MOBP: variants seen among roughly 807,000 people sequenced by gnomAD.
The protein encoded by MOBP is myelin associated oligodendrocyte basic protein.
Under a neutral mutation model 15.0 loss-of-function variants are expected in MOBP, and 5 were observed. That is an observed-to-expected ratio of 0.33 (90% confidence interval 0.17 to 0.70). The LOEUF is 0.70. Among genes scored for constraint, MOBP ranks in the 30% least tolerant of loss-of-function variants. The pLI, the probability that MOBP is intolerant of heterozygous loss-of-function variation, is 0.67. For missense variants in MOBP, 188 were observed against 257.8 expected (o/e 0.73, Z 1.85); for synonymous variants, 88 against 99.0 (o/e 0.89, Z 0.66).
At chr3:39,504,025 T>C (rs2043016142), downstream of MOBP, among the ~76,000 whole-genome samples, 1 of 152,200 alleles carries the variant, frequency 6.6e-6, no homozygotes, top group East Asian at 1.9e-4. Context: ...AATGCTGACC[T>C]AAACAATCCA....
intron 1 of MOBP, among the ~76,000 whole-genome samples, chr3:39,479,415 GC>G (rs1026982610): frequency 7.0e-6 from 1 of 142,028 alleles, no homozygotes; most frequent in Admixed American, 7.1e-5. Context: ...TTTTCAAATA[GC>G]CCTTCTGAGA....
At chr3:39,516,256 C>T (rs1236333122), downstream of MOBP, among the ~76,000 whole-genome samples, 1 of 152,066 alleles carries the variant, frequency 6.6e-6, no homozygotes, top group South Asian at 2.1e-4. Flanking sequence ...ACTGAGGAGG[C>T]ACCTGAGCAT....
chr3:39,511,586 A>G (rs2043120045), intron 4 of MOBP, among the ~76,000 whole-genome samples: 1 of 152,180 alleles, frequency 6.6e-6, no homozygotes. Context: ...AAGAGCCTTC[A>G]CACTTCTTGC....
At chr3:39,475,717 G>A (rs1381907080) in intron 1 of MOBP, among the ~76,000 whole-genome samples, 1 of 151,882 alleles carries the variant, frequency 6.6e-6, no homozygotes, top group Non-Finnish European at 1.5e-5. Context: ...AGCTCTTTTA[G>A]GTTAGCTCCT....
intron 2 of MOBP, among the ~76,000 whole-genome samples, chr3:39,483,706 C>A (rs552194604): frequency 6.0e-4 from 91 of 152,346 alleles, no homozygotes; most frequent in African/African-American, 2.0e-3. Flanking sequence ...AAAATCCCAT[C>A]ATTTTCATAG....
chr3:39,522,147 G>C (rs1047933236), intron 3 of MOBP, among the ~76,000 whole-genome samples: 1 of 152,186 alleles, frequency 6.6e-6, no homozygotes, highest in Non-Finnish European at 1.5e-5. Context: ...ATTCCTGTTT[G>C]AAGGTTATTA....
intron 3 of MOBP, among the ~76,000 whole-genome samples, chr3:39,521,984 G>A (rs780073503): frequency 2.0e-5 from 3 of 152,186 alleles, no homozygotes; most frequent in Non-Finnish European, 4.4e-5. Flanking sequence ...AGGAGGGTGG[G>A]TCTGGACTAA....
chr3:39,527,375 T>C (rs1340063545), downstream of MOBP: 2 of 152,016 alleles, frequency 1.3e-5, no homozygotes, highest in Non-Finnish European at 2.9e-5. Flanking sequence ...ATAATATTTT[T>C]GAAACTTTGA....
downstream of MOBP, chr3:39,527,782 A>G (rs1414773966): frequency 1.3e-5 from 2 of 152,194 alleles, no homozygotes; most frequent in Non-Finnish European, 1.5e-5. Flanking sequence ...TATTAAGCAA[A>G]CAGCGTATCT....
intron 1 of MOBP, among the ~76,000 whole-genome samples, chr3:39,470,252 A>G (rs1427517439): frequency 6.6e-6 from 1 of 152,220 alleles, no homozygotes; most frequent in Non-Finnish European, 1.5e-5. Flanking sequence ...GCACTGAACT[A>G]CAGACCACAC....
At chr3:39,470,519 T>A (rs1322245582) in intron 1 of MOBP, among the ~76,000 whole-genome samples, 1 of 152,250 alleles carries the variant, frequency 6.6e-6, no homozygotes, top group East Asian at 1.9e-4. Flanking sequence ...ATAAGCCTAT[T>A]GAATTTATGG....
At chr3:39,503,363 T>C (rs1036168420), downstream of MOBP, among the ~76,000 whole-genome samples, 5 of 152,226 alleles carry the variant, frequency 3.3e-5, no homozygotes, top group Non-Finnish European at 7.3e-5. Flanking sequence ...ATTGCATACC[T>C]GTAAAGTTCC....
downstream of MOBP, chr3:39,525,677 T>C (rs539825888): frequency 2.6e-5 from 4 of 152,392 alleles, no homozygotes; most frequent in Non-Finnish European, 5.9e-5. Flanking sequence ...TTGTTCAGGG[T>C]ATGGGGCTAG....
At position 39,502,316 on chromosome 3, in the gene MOBP, C is replaced by T. The variant is rs764109059; in HGVS notation, c.206+41C>T. ...GCCCCGCGGCACCAGTTGGGCACAG[C>T]GCGTGGTCTCGGCTCCCAGCACGCC... On this transcript the variant is annotated intron_variant, in intron 3 of 3. Transcript: ENST00000684792. The surrounding 1 kb of genome is among the most constrained non-coding windows in gnomAD (Gnocchi z 6.3). 1.3e-5 allele frequency: 21 copies of T among 1,610,764 alleles called. No individual in the cohort carries two copies. Among genetic ancestry groups the T allele is most frequent in the Non-Finnish European group, 1.7e-5 (20 of 1,178,504 alleles).
At chr3:39,473,509 G>A (rs1046873818) in intron 1 of MOBP, among the ~76,000 whole-genome samples, 5 of 152,208 alleles carry the variant, frequency 3.3e-5, no homozygotes, top group African/African-American at 9.6e-5. Context: ...ATTTCATGGG[G>A]CTCTGAGGCG....
At position 39,502,412 on chromosome 3, in the gene MOBP, A is replaced by T; in HGVS notation, c.207-123A>T. On this transcript the variant is annotated intron_variant, in intron 3 of 3. Coordinates refer to ENST00000684792, the MANE Select transcript of MOBP (RefSeq NM_001393704.1). This position sits in a 1 kb window ranked among gnomAD's most constrained non-coding sequence, Gnocchi z 6.3. ...AGGCTCCGACACCGGAAGGCACTCC[A>T]GGGAGACTGGAAGGTGGGTGGGGGA... The T allele has an allele frequency of 6.6e-7, 1 of 1,526,706 alleles. No homozygotes were observed. Among genetic ancestry groups the T allele is most frequent in the Non-Finnish European group, 8.8e-7 (1 of 1,141,228 alleles). The allele number at this position is 1,526,706 out of a possible 1,614,324, so 94.6% of individuals were successfully genotyped here.
chr3:39,524,571 A>T (rs2125677495), exon 5 of MOBP: 1 of 152,344 alleles, frequency 6.6e-6, no homozygotes, highest in Admixed American at 6.5e-5. Flanking sequence ...ATGTGGGGAA[A>T]ATTCTCATAA....
rs200573012 is a variant in MOBP, at chr3:39,502,143, A to G, written c.74A>G (p.His25Arg). ...AAGTACTCCGAACACTTCAGCATAC[A>G]CTGCTGCCCGCCGTTCACCTTCCTC... ...NQKYSEHFSI[H>R]CCPPFTFLNS... The change falls in exon 3 of 4, where the codon CAC (histidine) becomes CGC (arginine). Residue 25 changes from histidine to arginine, a missense_variant. Physicochemically the swap from His to Arg is conservative, Grantham distance 29. Transcript: ENST00000684792. The surrounding 1 kb of genome is among the most constrained non-coding windows in gnomAD (Gnocchi z 6.3). 9.9e-6 allele frequency: 16 copies of G among 1,614,072 alleles called. No homozygotes were observed. Among genetic ancestry groups the G allele is most frequent in the Non-Finnish European group, 1.2e-5 (14 of 1,180,050 alleles).
At chr3:39,494,127 C>T (rs879041150) in intron 2 of MOBP, among the ~76,000 whole-genome samples, 4 of 152,310 alleles carry the variant, frequency 2.6e-5, no homozygotes, top group Admixed American at 2.6e-4. Flanking sequence ...AGTTATTAGG[C>T]AGTCTACTAG....
Sources: allele counts gnomAD v4.1 joint callset (sites outside exome capture counted in the v4.1 genomes callset), GRCh38; gene constraint gnomAD v4.1.1; non-coding constraint Gnocchi (gnomAD v3.1); transcripts MANE v1.5; gene names NCBI Gene and HGNC (gene_info 2026-07-23, HGNC 2026-07-21).